CHIT1: variants seen among roughly 807,000 people sequenced by gnomAD.
CHIT1 encodes chitinase 1.
In CHIT1, 47 loss-of-function variants were observed where a neutral mutation model predicts 52.0. The ratio of observed to expected loss-of-function variants is 0.90; its 90% CI spans 0.71 to 1.15. The LOEUF is 1.15. Among genes scored for constraint, CHIT1 ranks in the 50% most tolerant of loss-of-function variants. CHIT1 has a pLI of 0.00. For missense variants in CHIT1, 569 were observed against 583.0 expected, an observed-to-expected ratio of 0.98 and a Z score of 0.25; for synonymous variants, 242 against 228.2, an observed-to-expected ratio of 1.06 and a Z score of -0.54.
chr1:203,220,799 T>A (rs1198011207), intron 7 of CHIT1, among the ~76,000 whole-genome samples: 1 of 152,216 alleles, frequency 6.6e-6, no homozygotes, highest in African/African-American at 2.4e-5. Flanking sequence ...TCCTGATCTG[T>A]TATAGCACTT....
At chr1:203,228,585 G>A (rs747361364) in intron 1 of CHIT1, 23 bp from the exon 2 acceptor site, 1 of 1,576,016 alleles carries the variant, frequency 6.3e-7, no homozygotes, top group Non-Finnish European at 8.6e-7. Context: ...AAGAGAGAAG[G>A]CCAGGGTTAT....
chr1:203,222,582 C>A (rs1656777958), intron 6 of CHIT1, among the ~76,000 whole-genome samples: 1 of 152,198 alleles, frequency 6.6e-6, no homozygotes. Context: ...CAGGCCCTCC[C>A]TATTCCACTC....
intron 4 of CHIT1, among the ~76,000 whole-genome samples, chr1:203,224,279 T>C (rs773358232): frequency 2.0e-5 from 3 of 152,174 alleles, no homozygotes; most frequent in Non-Finnish European, 2.9e-5. Context: ...CTTCCTTCCT[T>C]AGTGGGAAGT....
intron 10 of CHIT1, 183 bp from the exon 11 acceptor site, chr1:203,217,316 C>T (rs1656569532): frequency 6.5e-7 from 1 of 1,531,364 alleles, no homozygotes; most frequent in African/African-American, 1.4e-5. Flanking sequence ...AGCTGAAGCA[C>T]AGTGCCACAG....
Position 203,222,285 on chromosome 1 carries a change from C to A in CHIT1, c.646G>T (p.Gly216Cys). 6.2e-7 allele frequency: 1 copy of A among 1,614,178 alleles called. No homozygotes were observed. The highest frequency in any genetic ancestry group is 2.2e-5 in the East Asian group (1 of 44,874). Residue 216 changes from glycine (G) to cysteine (C), a missense_variant, in exon 7 of 11, where the codon GGC becomes TGC. Gly to Cys is a radical substitution (Grantham distance 159, BLOSUM62 -3). Transcript: ENST00000367229. ...FVNLMAYDFHGSWEKVTGHNS... is the reference protein window; with the variant it reads ...FVNLMAYDFHCSWEKVTGHNS... Reference sequence around the variant, plus strand: ...TGTCCCGTGACCTTCTCCCAAGAGCCATGGAAGTCGTAGGCCATAAGGTTG... The same window carrying A: ...TGTCCCGTGACCTTCTCCCAAGAGCAATGGAAGTCGTAGGCCATAAGGTTG...
In CHIT1 at chr1:203,219,733, C is replaced by T; in HGVS notation, c.846G>A (p.Gly282=). 1 of 1,614,056 alleles carries T rather than the reference C, an allele frequency of 6.2e-7. No individual in the cohort carries two copies. Among genetic ancestry groups the T allele is most frequent in the South Asian group, 1.1e-5 (1 of 91,072 alleles). ...GAGTGCCAGACCCTGTGGCTGGGGC[C>T]CCCACTCTGGTGTCTGATGAGGAGG... ...TLASSSDTRV[G]APATGSGTPG... The change falls in exon 8 of 11, where the codon GGG becomes GGA. Residue 282 remains glycine (G), a synonymous_variant. Coordinates refer to ENST00000367229, the MANE Select transcript of CHIT1 (RefSeq NM_003465.3).
chr1:203,217,165 C>T (rs759600251), intron 10 of CHIT1, 32 bp from the exon 11 acceptor site: 6 of 1,599,582 alleles, frequency 3.8e-6, no homozygotes, highest in Non-Finnish European at 3.4e-6. Context: ...AACCAAGGCT[C>T]CCCCGAAGAG....
chr1:203,222,287 T>A lies in CHIT1; in HGVS notation c.644A>T (p.His215Leu). 1 of 1,614,168 alleles carries A rather than the reference T, an allele frequency of 6.2e-7. No homozygotes were observed. ...TCCCGTGACCTTCTCCCAAGAGCCA[T>A]GGAAGTCGTAGGCCATAAGGTTGAC... ...DFVNLMAYDFHGSWEKVTGHN... is the reference protein window; with the variant it reads ...DFVNLMAYDFLGSWEKVTGHN... Residue 215 changes from histidine to leucine, a missense_variant, in exon 7 of 11, where the codon CAT becomes CTT. His to Leu is a moderately conservative substitution (Grantham distance 99). Coordinates refer to ENST00000367229, the MANE Select transcript of CHIT1 (RefSeq NM_003465.3).
intron 3 of CHIT1, 105 bp downstream of exon 3, chr1:203,225,563 TG>T: frequency 1.7e-6 from 2 of 1,147,748 alleles, no homozygotes; most frequent in African/African-American, 1.5e-5. Flanking sequence ...AGCCACACAG[TG>T]GGTCTGTGGC....
chr1:203,218,709 G>C (rs1437335630), intron 9 of CHIT1, among the ~76,000 whole-genome samples: 6 of 152,052 alleles, frequency 3.9e-5, no homozygotes. Flanking sequence ...ACCTCTAGAA[G>C]CTGCCGCTGT....
intron 2 of CHIT1, among the ~76,000 whole-genome samples, chr1:203,227,000 G>A (rs893730380): frequency 1.2e-4 from 18 of 152,184 alleles, no homozygotes; most frequent in African/African-American, 3.9e-4. Context: ...GTTTGGACTG[G>A]AGCGTGCCTG....
At chr1:203,225,898 T>A in intron 2 of CHIT1, 28 bp from the exon 3 acceptor site, 1 of 1,612,516 alleles carries the variant, frequency 6.2e-7, no homozygotes, top group Non-Finnish European at 8.5e-7. Flanking sequence ...AGAAAAGGGA[T>A]AGCTGTCAGC....
At chr1:203,227,965 G>C (rs965925508) in intron 2 of CHIT1, among the ~76,000 whole-genome samples, 2 of 152,174 alleles carry the variant, frequency 1.3e-5, no homozygotes, top group African/African-American at 4.8e-5. Context: ...ACAAGACGGG[G>C]ACCAGGAGTT....
chr1:203,223,473 TC>T, intron 5 of CHIT1, 21 bp downstream of exon 5: 4 of 1,613,334 alleles, frequency 2.5e-6, no homozygotes, highest in Non-Finnish European at 3.4e-6. Context: ...AGACTGGTGA[TC>T]CCCGCCCCGC....
At chr1:203,220,033 T>C (rs1656679136) in intron 7 of CHIT1, among the ~76,000 whole-genome samples, 184 bp from the exon 8 acceptor site, 1 of 152,136 alleles carries the variant, frequency 6.6e-6, no homozygotes, top group Non-Finnish European at 1.5e-5. Context: ...GTGACCCCAG[T>C]GAAGAAGCTG....
intron 1 of CHIT1, 29 bp from the exon 2 acceptor site, chr1:203,228,591 G>A: frequency 1.9e-6 from 3 of 1,571,846 alleles, no homozygotes; most frequent in Non-Finnish European, 2.6e-6. Flanking sequence ...GAAGGCCAGG[G>A]TTATGCTGCC....
At chr1:203,218,213 T>TGGTCGA (rs1656608967) in intron 9 of CHIT1, 1 of 704,448 alleles carries the variant, frequency 1.4e-6, no homozygotes, top group Non-Finnish European at 2.1e-6. Context: ...TATTGTATGC[T>TGGTCGA]GGTCAAGGTC....
At chr1:203,228,820 C>T (rs1479642005) in intron 1 of CHIT1, among the ~76,000 whole-genome samples, 3 of 152,304 alleles carry the variant, frequency 2.0e-5, no homozygotes, top group South Asian at 2.1e-4. Flanking sequence ...CCTCTCTATA[C>T]CTCAGTAAAG....
chr1:203,216,904 G>A lies in CHIT1; in HGVS notation c.1386C>T (p.Cys462=), dbSNP rs1254380943. The A allele has an allele frequency of 5.6e-6, 9 of 1,614,066 alleles. No homozygotes were observed. The East Asian group carries it at 8.9e-5, about 16-fold the overall frequency. ...CTTTAGCGACTCAATTCCAGGTGCA[G>A]CATTTGCAGGAGTTGCTGAACACCA... ...TGLVFSNSCK[C]CTWN Residue 462 remains cysteine (C), a synonymous_variant, in exon 11 of 11, where the codon TGC becomes TGT. Coordinates refer to ENST00000367229, the MANE Select transcript of CHIT1 (RefSeq NM_003465.3).
Sources: gnomAD v4.1 joint callset for allele counts (sites outside exome capture counted in the v4.1 genomes callset) on GRCh38, gnomAD v4.1.1 for gene constraint, MANE v1.5 for transcripts, NCBI Gene and HGNC (gene_info 2026-07-23, HGNC 2026-07-21) for gene names.